CCNL1: variants seen among roughly 807,000 people sequenced by gnomAD.
CCNL1 encodes the protein cyclin-L1.
A neutral mutation model predicts 60.6 loss-of-function variants in CCNL1; 13 were observed. The ratio of observed to expected loss-of-function variants is 0.21; its 90% confidence interval spans 0.14 to 0.34. The LOEUF is 0.34. Ranked by LOEUF, CCNL1 falls within the 10% of genes least tolerant of loss-of-function variation. CCNL1 has a pLI of 1.00. For synonymous variants in CCNL1, 270 were observed against 244.3 expected, an observed-to-expected ratio of 1.10 and a Z score of -0.98; for missense variants, 481 against 664.3, an observed-to-expected ratio of 0.72 and a Z score of 3.03.
At chr3:157,159,189 T>G in intron 2 of CCNL1, 1 of 633,140 alleles carries the variant, frequency 1.6e-6, no homozygotes, top group Non-Finnish European at 2.8e-6. Context: ...AGTTCTGCAT[T>G]TGGTTGAAAA....
chr3:157,154,929 TATATATACATAC>T (rs1385870433), intron 3 of CCNL1, among the ~76,000 whole-genome samples: 2 of 127,930 alleles, frequency 1.6e-5, no homozygotes, highest in African/African-American at 7.5e-5. Context: ...TCTCTCTCCA[TATATATACATAC>T]ATACATACAT....
chr3:157,154,778 A>G (rs1279895360), intron 3 of CCNL1: 1 of 152,134 alleles, frequency 6.6e-6, no homozygotes, highest in East Asian at 1.9e-4. Flanking sequence ...CACACCTATG[A>G]GGAATGAGGC....
At chr3:157,156,475 T>C (rs143308719) in intron 3 of CCNL1, among the ~76,000 whole-genome samples, 1,619 of 152,290 alleles carry the variant, frequency 0.011, 37 homozygotes, top group African/African-American at 0.038. Flanking sequence ...ATTTGGAAAC[T>C]AGAACAATGA....
chr3:157,154,492 C>T (rs746982985), intron 3 of CCNL1: 2 of 152,138 alleles, frequency 1.3e-5, no homozygotes, highest in African/African-American at 2.4e-5. Context: ...ATCCTCTCTA[C>T]CCCAATGCAC....
At chr3:157,156,456 A>G (rs1169805473) in intron 3 of CCNL1, among the ~76,000 whole-genome samples, 1 of 152,244 alleles carries the variant, frequency 6.6e-6, no homozygotes, top group African/African-American at 2.4e-5. Flanking sequence ...CTGCATCTCA[A>G]AAGTAAATAT....
In CCNL1 at chr3:157,147,762, TTAA is replaced by T; in HGVS notation, c.*476_*478del. 2 of 980,888 alleles carry T rather than the reference TTAA, an allele frequency of 2.0e-6. No individual in the cohort carries two copies. The highest frequency in any genetic ancestry group is 1.7e-5 in the African/African-American group (1 of 57,282). 60.8% of individuals were successfully genotyped at this position (980,888 alleles called of 1,614,324 possible). ...CATTTTGCTATTAAAATTTTCCTTTTTAATAATTTATTTAAATAAGGTATTTGA... is the reference window on the plus strand; with the variant it reads ...CATTTTGCTATTAAAATTTTCCTTTTTAATTTATTTAAATAAGGTATTTGA... On this transcript the variant is annotated 3_prime_UTR_variant, in exon 11 of 11. Coordinates refer to ENST00000295926, the MANE Select transcript of CCNL1 (RefSeq NM_020307.4).
Position 157,150,055 on chromosome 3 carries a change from T to C in CCNL1, c.879+10A>G, listed in dbSNP as rs111389559. 43 of 1,608,126 alleles carry C rather than the reference T, an allele frequency of 2.7e-5. No individual in the cohort carries two copies. The highest frequency in any genetic ancestry group is 3.2e-5 in the Non-Finnish European group (38 of 1,178,290). On this transcript the variant is annotated intron_variant, in intron 7 of 10. Coordinates refer to ENST00000295926, the MANE Select transcript of CCNL1 (RefSeq NM_020307.4). ...TAGCATGTTGGCACAAACGAGTAAA[T>C]AGAGAATACCTTTTTTCTGGTATAA...
rs1206849351 is a variant in CCNL1, at chr3:157,159,594, G to A, written c.304-115C>T. ...TTCCCCTCCCGCCGCCGCCGCCGCT[G>A]CGAACAGCCCGCTGCCAAGTCCTCC... On this transcript the variant is annotated intron_variant, in intron 1 of 10. Coordinates refer to ENST00000295926, the MANE Select transcript of CCNL1 (RefSeq NM_020307.4). 7.3e-6 allele frequency: 8 copies of A among 1,093,770 alleles called. No homozygotes were observed. In the East Asian group the frequency reaches 1.6e-4, roughly 22 times the overall value. 67.8% of individuals were successfully genotyped at this position (1,093,770 alleles called of 1,614,324 possible). A position where few individuals can be genotyped will look rare whatever the true frequency, so the allele number is the denominator to read the frequency against.
chr3:157,146,572 C>T (rs1049271098), downstream of CCNL1: 36 of 432,964 alleles, frequency 8.3e-5, no homozygotes, highest in African/African-American at 8.6e-5. Context: ...GCCAGGAGTT[C>T]GTGACCGACC....
rs1481514987 is a variant in CCNL1, at chr3:157,148,652, T to G, written c.1233-63A>C. On this transcript the variant is annotated intron_variant, in intron 10 of 10. Transcript: ENST00000295926. ...TATGGGGAACAGATTATTCCGGTGG[T>G]TGCTCATAACAGGTTCAAAACAAAA... is the stretch of plus-strand genomic sequence containing the variant. The G allele has an allele frequency of 1.4e-6, 2 of 1,444,852 alleles. 1 individual carries two copies. The highest frequency in any genetic ancestry group is 2.8e-5 in the South Asian group (2 of 72,640). The allele number at this position is 1,444,852 out of a possible 1,614,324, so 89.5% of individuals were successfully genotyped here. A position where few individuals can be genotyped will look rare whatever the true frequency, so the allele number is the denominator to read the frequency against.
downstream of CCNL1, among the ~76,000 whole-genome samples, chr3:157,144,937 G>A (rs1418541101): frequency 6.6e-6 from 1 of 152,198 alleles, no homozygotes; most frequent in Non-Finnish European, 1.5e-5. Context: ...GATGCAGACT[G>A]TGGTGTTAAT....
At chr3:157,150,815 C>A in intron 5 of CCNL1, 1 of 988,948 alleles carries the variant, frequency 1.0e-6, no homozygotes, top group Non-Finnish European at 1.2e-6. Flanking sequence ...TTCAAAAGCT[C>A]AAAATACCGT....
Position 157,149,305 on chromosome 3 carries a change from G to C in CCNL1, c.1214C>G (p.Ser405Ter), listed in dbSNP as rs1258412524. ...SRSRTRSRSR[S>*]HTPRRHYNNR... The stretch of plus-strand genomic sequence containing the variant: ...TACTTACTGTCTTCTTGGAGTATGT[G>C]ATCTAGAACGTGATCGTGTTCTTGA... The change falls in exon 10 of 11, where the codon TCA becomes TGA. Residue 405 changes from serine (S) to a stop codon, truncating the protein, a stop_gained. Transcript: ENST00000295926. LOFTEE classifies it high-confidence loss of function. 6.2e-7 allele frequency: 1 copy of C among 1,612,616 alleles called. No homozygotes were observed. The highest frequency in any genetic ancestry group is 8.5e-7 in the Non-Finnish European group (1 of 1,178,748).
intron 3 of CCNL1, chr3:157,158,606 G>A (rs928425397): frequency 2.5e-5 from 7 of 274,950 alleles, no homozygotes; most frequent in Non-Finnish European, 4.2e-5. Flanking sequence ...TTAATCTTAA[G>A]CCACAGGCCT....
At chr3:157,151,554 G>A in intron 5 of CCNL1, 1 of 985,914 alleles carries the variant, frequency 1.0e-6, no homozygotes, top group Non-Finnish European at 1.2e-6. Context: ...TAAGCTGCAA[G>A]TTTGTCGTCT....
chr3:157,149,290 C>T lies in CCNL1; in HGVS notation c.1229G>A (p.Arg410Lys), dbSNP rs1229079979. The T allele has an allele frequency of 1.2e-6, 2 of 1,606,044 alleles. No individual in the cohort carries two copies. Among genetic ancestry groups the T allele is most frequent in the Admixed American group, 1.7e-5 (1 of 60,010 alleles). Residue 410 changes from arginine to lysine, a missense_variant, in exon 10 of 11, where the codon AGA (arginine) becomes AAA (lysine). Arg to Lys is a conservative substitution (Grantham distance 26, BLOSUM62 2). Around this residue, in one of 5 missense-constraint regions of CCNL1, gnomAD observed 197 missense variants for 233.9 expected, o/e 0.84. Transcript: ENST00000295926. The part of the protein sequence containing the change: ...RSRSRSHTPR[R>K]HYNNRRSRSG... ...CCCTAAGAAAACATTTACTTACTGTCTTCTTGGAGTATGTGATCTAGAACG... is the reference window on the plus strand; with the variant it reads ...CCCTAAGAAAACATTTACTTACTGTTTTCTTGGAGTATGTGATCTAGAACG...
chr3:157,157,620 A>G (rs1054691618), intron 3 of CCNL1, among the ~76,000 whole-genome samples: 3 of 152,198 alleles, frequency 2.0e-5, no homozygotes, highest in Admixed American at 1.3e-4. Context: ...AAATCTTCCC[A>G]ATTCCCAGGG....
chr3:157,159,518 G>GCGGGC (rs1560203795), intron 1 of CCNL1, 39 bp from the exon 2 acceptor site: 1 of 1,573,112 alleles, frequency 6.4e-7, no homozygotes. Flanking sequence ...CAGGGGTCAG[G>GCGGGC]CGGGCCCGCT....
At chr3:157,146,609 TA>T (rs67249134), downstream of CCNL1, 15,882 of 273,802 alleles carry the variant, frequency 0.058, 10 homozygotes, top group South Asian at 0.1. Context: ...ACCTCGTCTC[TA>T]AAAAAAAAAA....
Sources: allele counts gnomAD v4.1 joint callset (sites outside exome capture counted in the v4.1 genomes callset), GRCh38; gene constraint gnomAD v4.1.1; regional missense constraint gnomAD v4.1.1; transcripts MANE v1.5; gene names NCBI Gene and HGNC (gene_info 2026-07-23, HGNC 2026-07-21).